Variants in PPM1E observed in about 807,000 individuals in gnomAD.
PPM1E encodes the protein protein phosphatase 1E.
PPM1E carries 20 observed loss-of-function variants against 65.9 expected under a neutral mutation model. That is an observed-to-expected ratio of 0.30 (90% CI 0.21 to 0.44). The LOEUF (loss-of-function observed/expected upper bound fraction) is 0.44. Ranked by LOEUF, PPM1E falls within the 20% of genes least tolerant of loss-of-function variation. The probability of loss-of-function intolerance (pLI) is 1.00; values close to 1 mark genes in which losing one functional copy is unlikely to be tolerated. For synonymous variants in PPM1E, 352 were observed against 374.9 expected (o/e 0.94, Z 0.70); for missense variants, 713 against 953.1 (o/e 0.75, Z 3.32).
intron 1 of PPM1E, among the ~76,000 whole-genome samples, chr17:58,813,408 G>C (rs1280176902): frequency 6.6e-6 from 1 of 152,072 alleles, no homozygotes; most frequent in African/African-American, 2.4e-5. Context: ...CCATATTTAG[G>C]GAAAGACCCT....
At chr17:58,809,607 C>T (rs1204273393) in intron 1 of PPM1E, among the ~76,000 whole-genome samples, 2 of 152,096 alleles carry the variant, frequency 1.3e-5, no homozygotes, top group Non-Finnish European at 2.9e-5. Context: ...TGGTCTCAAA[C>T]TCCTGGGCTC....
intron 1 of PPM1E, among the ~76,000 whole-genome samples, chr17:58,908,499 G>A (rs746643035): frequency 4.0e-5 from 6 of 151,078 alleles, no homozygotes; most frequent in Non-Finnish European, 7.4e-5. Context: ...GAGTGCAATC[G>A]CATGATCTCG....
chr17:58,789,105 T>C (rs2050131370), intron 1 of PPM1E, among the ~76,000 whole-genome samples: 1 of 152,224 alleles, frequency 6.6e-6, no homozygotes, highest in South Asian at 2.1e-4. Context: ...GACTGAAAGA[T>C]TGACTAATAA....
intron 1 of PPM1E, among the ~76,000 whole-genome samples, chr17:58,907,976 A>G (rs905830337): frequency 3.3e-5 from 5 of 152,110 alleles, no homozygotes; most frequent in Non-Finnish European, 7.4e-5. Context: ...ATTAATGTTC[A>G]AAGTGATTAT....
At chr17:58,890,623 A>T (rs1337692255) in intron 1 of PPM1E, among the ~76,000 whole-genome samples, 1 of 152,168 alleles carries the variant, frequency 6.6e-6, no homozygotes, top group Non-Finnish European at 1.5e-5. Context: ...AACTGTATGT[A>T]TGTGTGTATA....
intron 6 of PPM1E, among the ~76,000 whole-genome samples, chr17:58,979,488 A>C (rs1174583457): frequency 6.6e-6 from 1 of 152,246 alleles, no homozygotes; most frequent in Non-Finnish European, 1.5e-5. Context: ...TTTCTAAACA[A>C]GAATAGAACA....
chr17:58,883,754 G>A (rs2051233606), intron 1 of PPM1E, among the ~76,000 whole-genome samples: 1 of 150,938 alleles, frequency 6.6e-6, no homozygotes, highest in African/African-American at 2.4e-5. Context: ...CAAAGTGCTG[G>A]GATTACAGGC....
rs189657322 is a variant in PPM1E at position 58,801,237 on chromosome 17, G to C, written c.464+44776G>C. ...TCATTGATATTGTTAAGTGAGAGGA[G>C]AGTGTTGAAATCTCCAATTGTGATT... On this transcript the variant is annotated intron_variant, in intron 1 of 6. Transcript: ENST00000308249. Among the ~76,000 whole-genome samples the C allele has an allele frequency of 1.7e-3, 259 of 152,084 alleles. 1 individual carries two copies. The highest frequency in any genetic ancestry group is 6.0e-3 in the African/African-American group (248 of 41,500).
At chr17:58,781,463 G>A (rs2050048870) in intron 1 of PPM1E, among the ~76,000 whole-genome samples, 1 of 151,992 alleles carries the variant, frequency 6.6e-6, no homozygotes, top group Non-Finnish European at 1.5e-5. Flanking sequence ...TTTCTAAGCA[G>A]TCTTCATGGC....
intron 1 of PPM1E, among the ~76,000 whole-genome samples, chr17:58,794,696 G>A (rs1389795979): frequency 6.6e-6 from 1 of 152,090 alleles, no homozygotes; most frequent in African/African-American, 2.4e-5. Context: ...AGTTCGCTTA[G>A]GATAATGGCC....
At position 58,950,777 on chromosome 17, in the gene PPM1E, C is replaced by CTTTTTT. The variant is rs1036026350; in HGVS notation, c.465-4858_465-4853dup. 3.3e-5 allele frequency among the ~76,000 whole-genome samples: 4 copies of CTTTTTT among 119,900 alleles called. 1 individual carries two copies. The highest frequency in any genetic ancestry group is 7.1e-5 in the Non-Finnish European group (4 of 56,458). The allele number at this position is 119,900 out of a possible 152,430, so 78.7% of individuals were successfully genotyped here. ...TCAGCTCTAAGATTCCTGTTTGGTT[C>CTTTTTT]TTTTTTTTTTTTTTTTTTTGAGACG... On this transcript the variant is annotated intron_variant, in intron 1 of 6. Transcript: ENST00000308249.
chr17:58,900,586 T>C (rs1035596007), intron 1 of PPM1E, among the ~76,000 whole-genome samples: 2 of 152,186 alleles, frequency 1.3e-5, no homozygotes, highest in African/African-American at 4.8e-5. Flanking sequence ...AAACAAAAAA[T>C]TTTGTACAGC....
intron 1 of PPM1E, among the ~76,000 whole-genome samples, chr17:58,787,757 A>G (rs2144235059): frequency 6.6e-6 from 1 of 151,982 alleles, no homozygotes; most frequent in East Asian, 2.0e-4. Context: ...AATACAAAAA[A>G]TTAGCCAGGC....
chr17:58,975,149 C>T (rs1289852095), intron 6 of PPM1E, among the ~76,000 whole-genome samples: 4 of 152,152 alleles, frequency 2.6e-5, no homozygotes, highest in Non-Finnish European at 4.4e-5. Context: ...AACCAATTTA[C>T]GTTAATGATC....
chr17:58,968,394 T>C lies in PPM1E; in HGVS notation c.784-1145T>C, dbSNP rs2030391351. 2.0e-5 allele frequency among the ~76,000 whole-genome samples: 3 copies of C among 152,282 alleles called. No homozygotes were observed. In the South Asian group the frequency reaches 6.2e-4, roughly 32 times the overall value. ...GATCTGTGATCATGCCACTGTACCC[T>C]AGCCTGGGTGTCAAAGTGAGACGCT... is the stretch of plus-strand genomic sequence containing the variant. On this transcript the variant is annotated intron_variant, in intron 3 of 6. Transcript: ENST00000308249.
chr17:58,895,979 G>A (rs1487073311), intron 1 of PPM1E, among the ~76,000 whole-genome samples: 2 of 151,524 alleles, frequency 1.3e-5, no homozygotes, highest in South Asian at 2.1e-4. Context: ...GCTGGGTGTG[G>A]TGGCAGGTAC....
chr17:58,929,833 G>A (rs749821902), intron 1 of PPM1E, among the ~76,000 whole-genome samples: 28 of 152,084 alleles, frequency 1.8e-4, no homozygotes, highest in Non-Finnish European at 2.2e-4. Context: ...AGAACCAATA[G>A]AGATACAACT....
At chr17:58,774,166 C>T (rs553977772) in intron 1 of PPM1E, among the ~76,000 whole-genome samples, 2 of 151,056 alleles carry the variant, frequency 1.3e-5, no homozygotes, top group South Asian at 2.1e-4. Flanking sequence ...CTGTCCCCCC[C>T]CCCCAAAAAA....
intron 1 of PPM1E, among the ~76,000 whole-genome samples, chr17:58,787,737 C>T (rs2144234952): frequency 6.6e-6 from 1 of 151,894 alleles, no homozygotes; most frequent in Non-Finnish European, 1.5e-5. Context: ...GAAACCCCAT[C>T]TCTACTAAAA....
Sources: gnomAD v4.1 joint callset for allele counts (sites outside exome capture counted in the v4.1 genomes callset) on GRCh38, gnomAD v4.1.1 for gene constraint, MANE v1.5 for transcripts, NCBI Gene and HGNC (gene_info 2026-07-23, HGNC 2026-07-21) for gene names.